Variants in DPY19L4 observed in about 807,000 individuals in gnomAD.
DPY19L4 encodes the protein probable C-mannosyltransferase DPY19L4.
DPY19L4 carries 97 observed loss-of-function variants against 102.8 expected under a neutral mutation model. The observed-to-expected ratio is 0.94, with a 90% CI of 0.80 to 1.12. The LOEUF (loss-of-function observed/expected upper bound fraction) is 1.12, where lower values mean the gene tolerates loss of function less well. Among genes scored for constraint, DPY19L4 ranks in the 50% most tolerant of loss-of-function variants. DPY19L4 has a pLI of 0.00. For missense variants in DPY19L4, 815 were observed against 850.4 expected (o/e 0.96, Z 0.52); for synonymous variants, 252 against 283.1 (o/e 0.89, Z 1.10).
intron 2 of DPY19L4, among the ~76,000 whole-genome samples, chr8:94,733,003 A>G (rs922363658): frequency 1.3e-5 from 2 of 149,304 alleles, no homozygotes; most frequent in African/African-American, 2.5e-5. Context: ...TTGTAGAGAC[A>G]TGGTTTCACC....
chr8:94,762,937 G>A (rs1812456790), intron 8 of DPY19L4, among the ~76,000 whole-genome samples: 1 of 150,128 alleles, frequency 6.7e-6, no homozygotes, highest in African/African-American at 2.5e-5. Flanking sequence ...GTTCTGACTT[G>A]TAACAGTGAG....
intron 13 of DPY19L4, among the ~76,000 whole-genome samples, chr8:94,776,298 G>T (rs1321264085): frequency 1.3e-5 from 2 of 151,626 alleles, no homozygotes; most frequent in South Asian, 2.1e-4. Flanking sequence ...CTCTTAATTT[G>T]CTGGGATTAC....
At chr8:94,748,242 C>T (rs1260661760) in intron 6 of DPY19L4, among the ~76,000 whole-genome samples, 1 of 152,108 alleles carries the variant, frequency 6.6e-6, no homozygotes, top group African/African-American at 2.4e-5. Flanking sequence ...AGGATTCTTC[C>T]CATCTGTATT....
intron 1 of DPY19L4, among the ~76,000 whole-genome samples, chr8:94,721,518 T>A (rs1212742585): frequency 6.6e-6 from 1 of 152,258 alleles, no homozygotes; most frequent in Non-Finnish European, 1.5e-5. Flanking sequence ...TGGTTCTGTC[T>A]GTGGTTACAG....
intron 6 of DPY19L4, chr8:94,744,286 C>T (rs1251833305): frequency 2.9e-5 from 13 of 452,080 alleles, no homozygotes; most frequent in Non-Finnish European, 5.3e-5. Context: ...AGGCCCAGTA[C>T]CTTACTGGCT....
chr8:94,767,621 A>T (rs1269842151), intron 11 of DPY19L4, among the ~76,000 whole-genome samples: 1 of 152,104 alleles, frequency 6.6e-6, no homozygotes, highest in African/African-American at 2.4e-5. Flanking sequence ...TCATACTTAG[A>T]GTTGAAAAAT....
intron 6 of DPY19L4, among the ~76,000 whole-genome samples, chr8:94,742,854 G>A (rs1321799180): frequency 1.1e-4 from 16 of 150,858 alleles, no homozygotes; most frequent in East Asian, 9.9e-4. Flanking sequence ...CACCGCGCCC[G>A]GCCAATGCCT....
intron 17 of DPY19L4, among the ~76,000 whole-genome samples, chr8:94,786,675 G>A (rs1019269387): frequency 6.6e-6 from 1 of 152,030 alleles, no homozygotes; most frequent in Non-Finnish European, 1.5e-5. Flanking sequence ...AGACTCCCGA[G>A]TAGCTGGGAC....
At chr8:94,747,508 C>T (rs1460294396) in intron 6 of DPY19L4, among the ~76,000 whole-genome samples, 2 of 150,880 alleles carry the variant, frequency 1.3e-5, no homozygotes, top group South Asian at 2.1e-4. Flanking sequence ...TAGTGAGTTC[C>T]ATGGGGGTCA....
intron 6 of DPY19L4, among the ~76,000 whole-genome samples, chr8:94,742,242 C>T (rs1811474970): frequency 6.6e-6 from 1 of 152,022 alleles, no homozygotes; most frequent in South Asian, 2.1e-4. Flanking sequence ...CCTGTAGTCC[C>T]AGCTACTCGG....
intron 1 of DPY19L4, among the ~76,000 whole-genome samples, chr8:94,721,009 C>T (rs1039332252): frequency 2.6e-5 from 4 of 151,992 alleles, no homozygotes; most frequent in African/African-American, 9.7e-5. Context: ...TGCAAAGGCG[C>T]GATCTCGGTT....
intron 8 of DPY19L4, among the ~76,000 whole-genome samples, chr8:94,764,807 G>C (rs1416789917): frequency 7.7e-6 from 1 of 130,212 alleles, no homozygotes; most frequent in Non-Finnish European, 1.6e-5. Flanking sequence ...TTGGCTCACC[G>C]CAACCTCCAC....
At chr8:94,781,318 T>C (rs543559736) in intron 16 of DPY19L4, 152 bp downstream of exon 16, 1 of 606,528 alleles carries the variant, frequency 1.6e-6, no homozygotes, top group Non-Finnish European at 2.6e-6. Context: ...TGGTTGGACT[T>C]AGTGATACTA....
chr8:94,753,732 C>T (rs1286362061), intron 6 of DPY19L4, among the ~76,000 whole-genome samples: 2 of 152,024 alleles, frequency 1.3e-5, no homozygotes, highest in Admixed American at 6.6e-5. Context: ...ATTAGCCAGG[C>T]GTGGTGGCAG....
At chr8:94,731,266 A>G (rs1048656045) in intron 2 of DPY19L4, among the ~76,000 whole-genome samples, 3 of 152,098 alleles carry the variant, frequency 2.0e-5, no homozygotes, top group East Asian at 1.9e-4. Flanking sequence ...ACTAGTTTTT[A>G]TAGTTCATAT....
At position 94,741,554 on chromosome 8, in the gene DPY19L4, T is replaced by C. The variant is rs144175400; in HGVS notation, c.611+1764T>C. 2.0e-3 allele frequency among the ~76,000 whole-genome samples: 312 copies of C among 152,344 alleles called. 1 individual carries two copies. Among genetic ancestry groups the C allele is most frequent in the Non-Finnish European group, 3.2e-3 (220 of 68,028 alleles). ...ATTTCTAAATAAGAGATTAATTTAA[T>C]AGCTTTCTCAGTGACAAAAACCTTT... On this transcript the variant is annotated intron_variant, in intron 6 of 18. Transcript: ENST00000414645.
chr8:94,778,339 G>A (rs986491285), intron 14 of DPY19L4, among the ~76,000 whole-genome samples: 4 of 152,100 alleles, frequency 2.6e-5, no homozygotes, highest in African/African-American at 9.7e-5. Flanking sequence ...AGGTCATCAA[G>A]AATCAATTTT....
chr8:94,748,253 C>A (rs575480385), intron 6 of DPY19L4, among the ~76,000 whole-genome samples: 16 of 152,226 alleles, frequency 1.1e-4, no homozygotes, highest in African/African-American at 3.4e-4. Context: ...CATCTGTATT[C>A]CAGACACCTA....
intron 7 of DPY19L4, among the ~76,000 whole-genome samples, chr8:94,758,169 C>T (rs1190032498): frequency 6.6e-6 from 1 of 152,096 alleles, no homozygotes; most frequent in Non-Finnish European, 1.5e-5. Context: ...TTATATTTAT[C>T]TCTTTGTTTC....
Sources: gnomAD v4.1 joint callset for allele counts (sites outside exome capture counted in the v4.1 genomes callset) on GRCh38, gnomAD v4.1.1 for gene constraint, MANE v1.5 for transcripts, NCBI Gene and HGNC (gene_info 2026-07-23, HGNC 2026-07-21) for gene names.